FHL5: variants seen among roughly 807,000 people sequenced by gnomAD.
FHL5 encodes the protein four and a half LIM domains protein 5.
A neutral mutation model predicts 32.0 loss-of-function variants in FHL5; 33 were observed. That is an observed-to-expected ratio of 1.03 (90% confidence interval 0.78 to 1.38). The LOEUF (loss-of-function observed/expected upper bound fraction) is 1.38. FHL5 is among the 40% of genes most tolerant of loss of function. The pLI is 0.00. For missense variants in FHL5, 336 were observed against 343.9 expected (o/e 0.98, Z 0.18); for synonymous variants, 114 against 113.6 (o/e 1.00, Z -0.02).
intron 5 of FHL5, 42 bp from the exon 6 acceptor site, chr6:96,615,567 C>T (rs750587724): frequency 6.5e-6 from 10 of 1,526,812 alleles, no homozygotes; most frequent in Middle Eastern, 1.9e-4. Context: ...CAATCTGTTC[C>T]TTGAAAGGAT....
chr6:96,610,811 A>G, intron 5 of FHL5, 53 bp downstream of exon 5: 2 of 1,266,828 alleles, frequency 1.6e-6, no homozygotes, highest in Non-Finnish European at 2.2e-6. Flanking sequence ...TGACTTTATG[A>G]AACACTATCT....
intron 4 of FHL5, among the ~76,000 whole-genome samples, chr6:96,607,206 G>C (rs1289945641): frequency 6.6e-6 from 1 of 150,568 alleles, no homozygotes; most frequent in East Asian, 1.9e-4. Context: ...TGACCTGCGA[G>C]GCATCATAAG....
intron 1 of FHL5, among the ~76,000 whole-genome samples, chr6:96,601,602 A>G (rs1003885054): frequency 6.6e-6 from 1 of 152,250 alleles, no homozygotes; most frequent in African/African-American, 2.4e-5. Context: ...TTTATAATAC[A>G]CTAAAAGCCT....
chr6:96,611,049 G>C (rs974442682), intron 5 of FHL5, among the ~76,000 whole-genome samples: 11 of 152,202 alleles, frequency 7.2e-5, no homozygotes, highest in Admixed American at 7.2e-4. Flanking sequence ...TGAGCTGAGA[G>C]GTTAGTGCAG....
At chr6:96,564,592 A>G (rs2127956689) in intron 1 of FHL5, among the ~76,000 whole-genome samples, 1 of 152,312 alleles carries the variant, frequency 6.6e-6, no homozygotes. Context: ...TTTCTTACAT[A>G]AGACTGGGTA....
In FHL5 at chr6:96,603,726, CT is replaced by C. The variant is rs762855121; in HGVS notation, c.114del (p.Asn39ThrfsTer99). The C allele has an allele frequency of 1.6e-5, 25 of 1,611,496 alleles. No homozygotes were observed. The South Asian group carries it at 2.7e-4, about 17-fold the overall frequency. On this transcript the variant is annotated frameshift_variant, in exon 2 of 6. Transcript: ENST00000450218. LOFTEE classifies it high-confidence loss of function. ...GTTACATGTTATGATCGTGTATTTT[CT>C]AACTATTGCGAGGAATGCAAAAAAC... is the stretch of plus-strand genomic sequence containing the variant. Reference protein sequence around the residue: ...YCVTCYDRVFSNYCEECKKPI... With the variant: ...YCVTCYDRVFXNYCEECKKPI...
chr6:96,597,672 C>G (rs116219585), intron 1 of FHL5, among the ~76,000 whole-genome samples: 1,766 of 152,272 alleles, frequency 0.012, 33 homozygotes, highest in African/African-American at 0.034. Context: ...TCATGCTCTG[C>G]AAGCCATTTA....
In FHL5 at chr6:96,610,744, C is replaced by G; in HGVS notation, c.677C>G (p.Ser226Cys). 1 of 1,611,970 alleles carries G rather than the reference C, an allele frequency of 6.2e-7. No individual in the cohort carries two copies. Among genetic ancestry groups the G allele is most frequent in the Non-Finnish European group, 8.5e-7 (1 of 1,178,560 alleles). ...HLYANKCVAC[S>C]KPISGLTGAK... ...TATGCCAACAAGTGTGTAGCCTGTT[C>G]CAAACCCATTAGTGGTGAGTTCTTC... The change falls in exon 5 of 6, where the codon TCC becomes TGC. Residue 226 changes from serine to cysteine, a missense_variant. Ser to Cys is a moderately radical substitution (Grantham distance 112). Transcript: ENST00000450218.
At chr6:96,572,093 A>C (rs1387509133) in intron 1 of FHL5, among the ~76,000 whole-genome samples, 1 of 152,178 alleles carries the variant, frequency 6.6e-6, no homozygotes, top group African/African-American at 2.4e-5. Flanking sequence ...AAGGTGTCTC[A>C]GCTCAGTTTC....
At chr6:96,603,527 T>C in intron 1 of FHL5, 75 bp from the exon 2 acceptor site, 1 of 1,066,002 alleles carries the variant, frequency 9.4e-7, no homozygotes, top group Non-Finnish European at 1.4e-6. Flanking sequence ...TCACTCACAT[T>C]ATATTAAGGT....
At chr6:96,569,457 A>C (rs1770428260) in intron 1 of FHL5, among the ~76,000 whole-genome samples, 1 of 152,106 alleles carries the variant, frequency 6.6e-6, no homozygotes. Context: ...TTTGGTCTAA[A>C]GTGCAGTTTA....
chr6:96,575,606 C>T (rs1462992459), intron 1 of FHL5, among the ~76,000 whole-genome samples: 1 of 152,180 alleles, frequency 6.6e-6, no homozygotes, highest in Non-Finnish European at 1.5e-5. Context: ...CATGAAGTGC[C>T]TTTTGCCCAG....
In FHL5 at chr6:96,596,019, AT is replaced by A. The variant is rs906197003; in HGVS notation, c.-12-7575del. Among the ~76,000 whole-genome samples the A allele has an allele frequency of 3.1e-3, 462 of 150,392 alleles. 2 individuals are homozygous for A. The highest frequency in any genetic ancestry group is 4.6e-3 in the Non-Finnish European group (315 of 67,856). On this transcript the variant is annotated intron_variant, in intron 1 of 5. Coordinates refer to ENST00000450218, the MANE Select transcript of FHL5 (RefSeq NM_001322466.2). ...TGCTCAATGAAAATTTATATGTATG[AT>A]TTTTTTTAGGCCTAGGATGATGGGA...
At chr6:96,614,416 A>C (rs1305002354) in intron 5 of FHL5, among the ~76,000 whole-genome samples, 1 of 152,214 alleles carries the variant, frequency 6.6e-6, no homozygotes, top group Non-Finnish European at 1.5e-5. Flanking sequence ...TTAATCAAGG[A>C]AAGTAGAGAA....
intron 1 of FHL5, among the ~76,000 whole-genome samples, chr6:96,599,986 T>A (rs1771116634): frequency 6.6e-6 from 1 of 152,226 alleles, no homozygotes; most frequent in Non-Finnish European, 1.5e-5. Context: ...TTCCTACAGC[T>A]CTACCTGTTA....
chr6:96,581,584 T>A (rs1046258315), intron 1 of FHL5, among the ~76,000 whole-genome samples: 2 of 152,166 alleles, frequency 1.3e-5, no homozygotes, highest in African/African-American at 4.8e-5. Flanking sequence ...ATTATACTTC[T>A]TACTAGATAA....
At chr6:96,582,361 AG>A (rs1770712126) in intron 1 of FHL5, among the ~76,000 whole-genome samples, 1 of 152,146 alleles carries the variant, frequency 6.6e-6, no homozygotes, top group Admixed American at 6.6e-5. Flanking sequence ...AGAAAAAAAA[AG>A]GATGATATTA....
At chr6:96,594,227 T>TTATATA (rs1178680000) in intron 1 of FHL5, among the ~76,000 whole-genome samples, 139 of 66,770 alleles carry the variant, frequency 2.1e-3, no homozygotes, top group Middle Eastern at 9.6e-3. Flanking sequence ...ATATTAGAAT[T>TTATATA]TATATATATA....
At position 96,572,710 on chromosome 6, in the gene FHL5, G is replaced by T. The variant is rs142861328; in HGVS notation, c.-13+9355G>T. 8.0e-3 allele frequency among the ~76,000 whole-genome samples: 1,216 copies of T among 152,318 alleles called. 12 individuals are homozygous for T. Among genetic ancestry groups the T allele is most frequent in the African/African-American group, 0.025 (1,048 of 41,572 alleles). The stretch of plus-strand genomic sequence containing the variant: ...TGTGGGCTTGGTGCCTAAGAAGACT[G>T]CAGAGAACACCAGTGGGAAGGTCTG... On this transcript the variant is annotated intron_variant, in intron 1 of 5. Coordinates refer to ENST00000450218, the MANE Select transcript of FHL5 (RefSeq NM_001322466.2).
Sources: allele counts gnomAD v4.1 joint callset (sites outside exome capture counted in the v4.1 genomes callset), GRCh38; gene constraint gnomAD v4.1.1; transcripts MANE v1.5; gene names NCBI Gene and HGNC (gene_info 2026-07-23, HGNC 2026-07-21).